NOMO3: variants seen among roughly 807,000 people sequenced by gnomAD.
NOMO3 encodes NODAL modulator 3.
A neutral mutation model predicts 69.9 loss-of-function variants in NOMO3; 15 were observed. The ratio of observed to expected loss-of-function variants is 0.21; its 90% CI spans 0.14 to 0.33. The LOEUF is 0.33. Among genes scored for constraint, NOMO3 ranks in the 10% least tolerant of loss-of-function variants. The probability of loss-of-function intolerance (pLI) is 1.00; values close to 1 mark genes in which losing one functional copy is unlikely to be tolerated. For synonymous variants in NOMO3, 89 were observed against 301.9 expected (o/e 0.29, Z 7.31); for missense variants, 218 against 761.0 (o/e 0.29, Z 8.39).
rs1177176496 is a variant in NOMO3 at position 16,237,345 on chromosome 16, G to A, written c.255+355G>A. 1.4e-5 allele frequency among the ~76,000 whole-genome samples: 2 copies of A among 144,284 alleles called. 1 individual carries two copies. Among genetic ancestry groups the A allele is most frequent in the East Asian group, 4.5e-4 (2 of 4,470 alleles). The allele number at this position is 144,284 out of a possible 152,430, so 94.7% of individuals were successfully genotyped here. ...AGTAGTGCCAGGGCTGAGAAACTCT[G>A]ATTTCATGGAACCCGTTACTTGCAA... On this transcript the variant is annotated intron_variant, in intron 2 of 30. Transcript: ENST00000399336.
At chr16:16,235,907 G>A (rs2606870) in intron 1 of NOMO3, 4,721 of 425,580 alleles carry the variant, frequency 0.011, 97 homozygotes, top group African/African-American at 0.02. Flanking sequence ...CTCTATGTCT[G>A]CACCTGAAGA....
At chr16:16,288,184 G>GAAACAAAACAAAACAAAACA (rs745319461) in intron 29 of NOMO3, among the ~76,000 whole-genome samples, 1 of 93,876 alleles carries the variant, frequency 1.1e-5, no homozygotes, top group African/African-American at 5.2e-5. Flanking sequence ...TTCTCCAGAA[G>GAAACAAAACAAAACAAAACA]AAACAAAACA....
intron 12 of NOMO3, 134 bp from the exon 13 acceptor site, chr16:16,262,940 A>C: frequency 2.7e-6 from 4 of 1,460,158 alleles, no homozygotes; most frequent in Non-Finnish European, 3.6e-6. Flanking sequence ...TGATTGTAAA[A>C]TCAGCCTGGA....
At chr16:16,234,740 G>A (rs1008764511) in intron 1 of NOMO3, among the ~76,000 whole-genome samples, 1 of 149,966 alleles carries the variant, frequency 6.7e-6, no homozygotes, top group African/African-American at 2.5e-5. Flanking sequence ...TGTGGATATA[G>A]CAGTACAGTG....
rs569018684 is a variant in NOMO3, at chr16:16,249,600, A to T, written c.583-1328A>T. Among the ~76,000 whole-genome samples, 171 of 140,534 alleles carry T rather than the reference A, an allele frequency of 1.2e-3. 6 individuals carry two copies. The South Asian group carries it at 0.029, about 24-fold the overall frequency. 92.2% of individuals were successfully genotyped at this position (140,534 alleles called of 152,430 possible). A position where few individuals can be genotyped will look rare whatever the true frequency, so the allele number is the denominator to read the frequency against. On this transcript the variant is annotated intron_variant, in intron 6 of 30. Coordinates refer to ENST00000399336, the MANE Select transcript of NOMO3 (RefSeq NM_001004067.4). ...CCATCTCAAAAAAAAAAAAAAAAAA[A>T]TTTATTCGAAATGAAAGAGCTTACA...
chr16:16,236,192 C>A (rs1309642280), intron 1 of NOMO3, among the ~76,000 whole-genome samples: 1 of 145,790 alleles, frequency 6.9e-6, no homozygotes, highest in Non-Finnish European at 1.5e-5. Context: ...TCATTGCAGA[C>A]CTTTAGTTGA....
chr16:16,237,927 C>T (rs1302729071), intron 2 of NOMO3, among the ~76,000 whole-genome samples: 2 of 144,508 alleles, frequency 1.4e-5, no homozygotes, highest in Non-Finnish European at 3.0e-5. Context: ...GGTACACATG[C>T]ATATGTATAT....
intron 11 of NOMO3, 132 bp downstream of exon 11, chr16:16,256,290 T>C: frequency 1.5e-6 from 2 of 1,358,474 alleles, no homozygotes; most frequent in Non-Finnish European, 1.9e-6. Flanking sequence ...TTTTTTTTTT[T>C]TGAGAGACAG....
intron 6 of NOMO3, among the ~76,000 whole-genome samples, chr16:16,248,430 G>T (rs1248743810): frequency 3.0e-5 from 2 of 67,416 alleles, no homozygotes; most frequent in African/African-American, 6.9e-5. Flanking sequence ...ACAGGGTCTT[G>T]CTCTGTTGCC....
At chr16:16,268,553 G>T (rs2049637894) in intron 16 of NOMO3, among the ~76,000 whole-genome samples, 2 of 143,132 alleles carry the variant, frequency 1.4e-5, no homozygotes, top group East Asian at 4.5e-4. Context: ...CTTAGCTCCT[G>T]TGTAACCCAG....
intron 11 of NOMO3, among the ~76,000 whole-genome samples, chr16:16,258,912 A>C (rs1267889447): frequency 7.0e-6 from 1 of 142,188 alleles, no homozygotes; most frequent in Admixed American, 6.8e-5. Context: ...GATAGGGATC[A>C]TGGTACTTTA....
At chr16:16,261,009 T>C (rs2049560872) in intron 11 of NOMO3, 1 of 154,072 alleles carries the variant, frequency 6.5e-6, no homozygotes, top group African/African-American at 2.8e-5. Context: ...CTTTCATCCA[T>C]GTATTATATA....
chr16:16,259,063 C>T lies in NOMO3; in HGVS notation c.1221-2439C>T, dbSNP rs957597330. Among the ~76,000 whole-genome samples the T allele has an allele frequency of 7.0e-5, 10 of 141,982 alleles. 1 individual carries two copies. Among genetic ancestry groups the T allele is most frequent in the African/African-American group, 1.2e-4 (4 of 33,856 alleles). The allele number at this position is 141,982 out of a possible 152,430, so 93.1% of individuals were successfully genotyped here. On this transcript the variant is annotated intron_variant, in intron 11 of 30. Coordinates refer to ENST00000399336, the MANE Select transcript of NOMO3 (RefSeq NM_001004067.4). Reference sequence around the variant, plus strand: ...TGGCTGGGCCCAGGCGGCTGGCAGGCGAGGGAGCGAGGAGTAGATGGATTT... The same window carrying T: ...TGGCTGGGCCCAGGCGGCTGGCAGGTGAGGGAGCGAGGAGTAGATGGATTT...
chr16:16,251,836 CT>C (rs2049465310), intron 7 of NOMO3, 126 bp from the exon 8 acceptor site: 1 of 1,305,578 alleles, frequency 7.7e-7, no homozygotes, highest in South Asian at 1.5e-5. Context: ...ATTAATGTTT[CT>C]TAGATTTCAG....
intron 2 of NOMO3, among the ~76,000 whole-genome samples, chr16:16,238,999 AC>A (rs2049353067): frequency 7.3e-6 from 1 of 136,928 alleles, no homozygotes; most frequent in African/African-American, 3.1e-5. Context: ...AATCGCTTGA[AC>A]CCAGGAGACG....
chr16:16,250,804 ACTGAATAAGCAATTTTAT>A, intron 6 of NOMO3, 106 bp from the exon 7 acceptor site: 1 of 519,902 alleles, frequency 1.9e-6, no homozygotes, highest in Non-Finnish European at 3.3e-6. Flanking sequence ...AAGTGATCAT[ACTGAATAAGCAATTTTAT>A]AGATTACGTT....
rs573901161 is a variant in NOMO3, at chr16:16,266,568, C to T, written c.1807-476C>T. ...GAGTGCTGTGACTTCTCCAGAAACA[C>T]GTGTTGTTGGTTTTTCCTCCTCATT... On this transcript the variant is annotated intron_variant, in intron 15 of 30. Transcript: ENST00000399336. 4.9e-5 allele frequency: 17 copies of T among 344,754 alleles called. 5 individuals are homozygous for T. The East Asian group carries it at 1.2e-3, about 25-fold the overall frequency. 21.4% of individuals were successfully genotyped at this position (344,754 alleles called of 1,614,324 possible).
At chr16:16,268,864 A>C (rs577781547) in intron 16 of NOMO3, among the ~76,000 whole-genome samples, 2 of 143,904 alleles carry the variant, frequency 1.4e-5, no homozygotes, top group East Asian at 4.5e-4. Context: ...GAGGGCAGGC[A>C]AACATTTCCT....
rs429698 is a variant in NOMO3, at chr16:16,243,428, A to G, written c.402+167A>G. On this transcript the variant is annotated intron_variant, in intron 4 of 30. Coordinates refer to ENST00000399336, the MANE Select transcript of NOMO3 (RefSeq NM_001004067.4). ...ACTCTGTACTTCATCCGTGTAGAAC[A>G]CAGCAGGTGTATTTAGGAATGAGAT... Among the ~76,000 whole-genome samples, 565 of 142,978 alleles carry G rather than the reference A, an allele frequency of 4.0e-3. 24 individuals carry two copies. Among genetic ancestry groups the G allele is most frequent in the African/African-American group, 0.014 (494 of 34,750 alleles). The allele number at this position is 142,978 out of a possible 152,430, so 93.8% of individuals were successfully genotyped here. A position where few individuals can be genotyped will look rare whatever the true frequency, so the allele number is the denominator to read the frequency against.
Sources: allele counts gnomAD v4.1 joint callset (sites outside exome capture counted in the v4.1 genomes callset), GRCh38; gene constraint gnomAD v4.1.1; transcripts MANE v1.5; gene names NCBI Gene and HGNC (gene_info 2026-07-23, HGNC 2026-07-21).